Variants in EPHA6 observed in about 807,000 individuals in gnomAD.
EPHA6 encodes EPH receptor A6.
EPHA6 carries 50 observed loss-of-function variants against 112.0 expected under a neutral mutation model. That is an observed-to-expected ratio of 0.45 (90% confidence interval 0.36 to 0.56). The LOEUF (loss-of-function observed/expected upper bound fraction) is 0.56, where lower values mean the gene tolerates loss of function less well. EPHA6 is among the 20% of genes least tolerant of loss of function. The pLI is 0.00. For synonymous variants in EPHA6, 529 were observed against 490.7 expected (o/e 1.08, Z -1.03); for missense variants, 1,280 against 1,417.4 (o/e 0.90, Z 1.56).
intron 11 of EPHA6, among the ~76,000 whole-genome samples, chr3:97,582,565 C>T (rs2093448156): frequency 2.0e-5 from 3 of 152,134 alleles, no homozygotes; most frequent in Admixed American, 2.0e-4. Context: ...ACCACCAGTA[C>T]CATTGCATAC....
At chr3:97,380,292 G>T (rs948538520) in intron 5 of EPHA6, among the ~76,000 whole-genome samples, 1 of 152,056 alleles carries the variant, frequency 6.6e-6, no homozygotes, top group Non-Finnish European at 1.5e-5. Flanking sequence ...ATTGAAAAAA[G>T]AAAAGATAAT....
intron 2 of EPHA6, among the ~76,000 whole-genome samples, chr3:96,887,640 G>A (rs1317841005): frequency 6.6e-5 from 10 of 152,170 alleles, no homozygotes; most frequent in Non-Finnish European, 1.2e-4. Context: ...AGGGTGGGCA[G>A]GGCCCTAGAA....
intron 1 of EPHA6, among the ~76,000 whole-genome samples, chr3:96,829,662 T>C (rs1415883082): frequency 6.6e-6 from 1 of 152,104 alleles, no homozygotes; most frequent in South Asian, 2.1e-4. Context: ...ATAGGAGCTC[T>C]CTTTCAGTCC....
intron 5 of EPHA6, among the ~76,000 whole-genome samples, chr3:97,364,431 C>A (rs1577103074): frequency 6.7e-6 from 1 of 150,074 alleles, no homozygotes; most frequent in Admixed American, 6.6e-5. Flanking sequence ...GAAAGCAGGG[C>A]AAATTTGAGG....
chr3:97,273,280 C>A (rs533171975), intron 5 of EPHA6, among the ~76,000 whole-genome samples: 1 of 152,234 alleles, frequency 6.6e-6, no homozygotes, highest in Non-Finnish European at 1.5e-5. Flanking sequence ...TTAAGAGTGG[C>A]AGTTTGGGGA....
At chr3:96,967,388 C>A (rs182610740) in intron 2 of EPHA6, among the ~76,000 whole-genome samples, 1 of 150,774 alleles carries the variant, frequency 6.6e-6, no homozygotes, top group Non-Finnish European at 1.5e-5. Flanking sequence ...ATTATGAATA[C>A]TTTTCCAAGT....
At chr3:97,074,544 C>T (rs56287227) in intron 3 of EPHA6, among the ~76,000 whole-genome samples, 47,202 of 151,498 alleles carry the variant, frequency 0.31, 13,284 homozygotes, top group African/African-American at 0.74. Flanking sequence ...TATTTTTGTT[C>T]TTTTCTGTCG....
chr3:96,916,840 G>A (rs984875971), intron 2 of EPHA6, among the ~76,000 whole-genome samples: 4 of 152,082 alleles, frequency 2.6e-5, no homozygotes, highest in African/African-American at 2.4e-5. Flanking sequence ...CAAGCAAATG[G>A]CAAAGACCTA....
intron 3 of EPHA6, among the ~76,000 whole-genome samples, chr3:97,154,176 A>C (rs182838376): frequency 1.8e-3 from 273 of 150,756 alleles, no homozygotes; most frequent in Middle Eastern, 3.4e-3. Flanking sequence ...AAAAAAAAAA[A>C]AAAAATATCA....
intron 3 of EPHA6, among the ~76,000 whole-genome samples, chr3:97,115,628 C>A (rs985971356): frequency 6.6e-6 from 1 of 151,382 alleles, no homozygotes; most frequent in Non-Finnish European, 1.5e-5. Context: ...ATGCCCAGAG[C>A]AAGAGAGGGA....
chr3:97,215,959 G>T lies in EPHA6; in HGVS notation c.1115-10305G>T, dbSNP rs1034877636. Among the ~76,000 whole-genome samples the T allele has an allele frequency of 2.0e-5, 3 of 152,142 alleles. No homozygotes were observed. The East Asian group carries it at 5.8e-4, about 29-fold the overall frequency. ...TGCCTTTTTGACAATTCACTAACAG[G>T]AATAAGGGTATATGGAATGTTTACT... On this transcript the variant is annotated intron_variant, in intron 3 of 17. Coordinates refer to ENST00000389672, the MANE Select transcript of EPHA6 (RefSeq NM_001080448.3).
intron 3 of EPHA6, among the ~76,000 whole-genome samples, chr3:97,170,676 G>A (rs924507035): frequency 3.1e-4 from 47 of 152,246 alleles, no homozygotes; most frequent in African/African-American, 1.0e-3. Context: ...GGCTGAGATT[G>A]CAGTGAGCTG....
chr3:97,695,765 T>C (rs555588994), intron 14 of EPHA6, among the ~76,000 whole-genome samples: 1 of 152,156 alleles, frequency 6.6e-6, no homozygotes, highest in South Asian at 2.1e-4. Flanking sequence ...AGTCTCGATC[T>C]CTTGACCTCG....
At chr3:97,079,488 A>G (rs1467400981) in intron 3 of EPHA6, among the ~76,000 whole-genome samples, 1 of 151,922 alleles carries the variant, frequency 6.6e-6, no homozygotes, top group Non-Finnish European at 1.5e-5. Context: ...AGGAAAAACA[A>G]CTAATCAGTA....
intron 1 of EPHA6, among the ~76,000 whole-genome samples, chr3:96,858,080 C>T (rs2035799736): frequency 6.6e-6 from 1 of 151,958 alleles, no homozygotes; most frequent in Admixed American, 6.6e-5. Context: ...AGGAAAAAAA[C>T]ACCATTGTTC....
At chr3:97,605,399 C>G (rs369427901) in intron 12 of EPHA6, among the ~76,000 whole-genome samples, 1 of 151,632 alleles carries the variant, frequency 6.6e-6, no homozygotes, top group African/African-American at 2.4e-5. Context: ...ACATTTAAAT[C>G]TTTAATCCAC....
chr3:97,263,770 C>T (rs1470512601), intron 5 of EPHA6, among the ~76,000 whole-genome samples: 2 of 151,894 alleles, frequency 1.3e-5, no homozygotes, highest in East Asian at 1.9e-4. Flanking sequence ...ATGAGGTGTG[C>T]GTTGTTAGAG....
At chr3:97,417,994 A>C (rs2088270803) in intron 6 of EPHA6, among the ~76,000 whole-genome samples, 1 of 152,186 alleles carries the variant, frequency 6.6e-6, no homozygotes, top group African/African-American at 2.4e-5. Context: ...CAACAGATTT[A>C]GTATCCCAAG....
chr3:97,007,605 A>G lies in EPHA6; in HGVS notation c.1114+19612A>G, dbSNP rs932039576. On this transcript the variant is annotated intron_variant, in intron 3 of 17. Transcript: ENST00000389672. ...TAATTGGGGCATTTAGCCCATTTAC[A>G]TTTAAGGTTAGTATTATGTGTGAAT... Among the ~76,000 whole-genome samples, 6 of 152,042 alleles carry G rather than the reference A, an allele frequency of 3.9e-5. No homozygotes were observed. In the East Asian group the frequency reaches 9.6e-4, roughly 24 times the overall value.
Sources: gnomAD v4.1 joint callset for allele counts (sites outside exome capture counted in the v4.1 genomes callset) on GRCh38, gnomAD v4.1.1 for gene constraint, MANE v1.5 for transcripts, NCBI Gene and HGNC (gene_info 2026-07-23, HGNC 2026-07-21) for gene names.